The following DLGAP1 variants were observed in gnomAD, a reference collection of about 807,000 sequenced individuals.
DLGAP1 encodes the protein DLG associated protein 1.
In DLGAP1, 11 loss-of-function variants were observed where a neutral mutation model predicts 90.8. The ratio of observed to expected loss-of-function variants is 0.12; its 90% CI spans 0.08 to 0.20. The LOEUF (loss-of-function observed/expected upper bound fraction) is 0.20. DLGAP1 is among the 10% of genes least tolerant of loss of function. The pLI is 1.00. For synonymous variants in DLGAP1, 558 were observed against 540.7 expected, an observed-to-expected ratio of 1.03 and a Z score of -0.44; for missense variants, 1,050 against 1,333.8, an observed-to-expected ratio of 0.79 and a Z score of 3.31.
intron 2 of DLGAP1, among the ~76,000 whole-genome samples, chr18:4,113,250 T>C (rs2076004864): frequency 6.6e-6 from 1 of 152,218 alleles, no homozygotes; most frequent in Non-Finnish European, 1.5e-5. Flanking sequence ...TTCTCTTTTC[T>C]TTTCAGTCTC....
At chr18:4,260,059 TA>T (rs1342780320) in intron 1 of DLGAP1, among the ~76,000 whole-genome samples, 4 of 152,200 alleles carry the variant, frequency 2.6e-5, no homozygotes, top group African/African-American at 9.6e-5. Flanking sequence ...CAGGGTCATA[TA>T]AGTTGAAAAC....
intron 4 of DLGAP1, among the ~76,000 whole-genome samples, chr18:3,862,185 G>C (rs1397152341): frequency 6.6e-6 from 1 of 152,200 alleles, no homozygotes; most frequent in Non-Finnish European, 1.5e-5. Context: ...GTAGACAGGA[G>C]TCTTTTGGGT....
intron 1 of DLGAP1, among the ~76,000 whole-genome samples, chr18:4,358,202 T>C (rs2081562682): frequency 6.6e-6 from 1 of 152,134 alleles, no homozygotes; most frequent in African/African-American, 2.4e-5. Flanking sequence ...ATAATATACA[T>C]GCAAACAAAC....
chr18:3,882,932 T>C (rs527268521), intron 3 of DLGAP1, among the ~76,000 whole-genome samples: 1 of 152,340 alleles, frequency 6.6e-6, no homozygotes, highest in Admixed American at 6.5e-5. Context: ...GAGATAGATA[T>C]GTGGTTTAAT....
intron 7 of DLGAP1, chr18:3,655,718 G>A (rs569702152): frequency 3.4e-5 from 7 of 204,036 alleles, no homozygotes; most frequent in South Asian, 1.5e-4. Context: ...GATAAAGGAC[G>A]CTCTAGACCA....
chr18:3,591,479 A>T (rs906407659), intron 7 of DLGAP1, among the ~76,000 whole-genome samples: 4 of 151,970 alleles, frequency 2.6e-5, no homozygotes, highest in African/African-American at 9.7e-5. Context: ...CTTTGAGCTC[A>T]GGAGTCTGAG....
At chr18:3,741,217 C>T (rs2062991921) in intron 6 of DLGAP1, among the ~76,000 whole-genome samples, 1 of 125,664 alleles carries the variant, frequency 8.0e-6, no homozygotes, top group Admixed American at 7.8e-5. Flanking sequence ...ACCACCACCA[C>T]CACATCACCA....
At chr18:4,082,495 A>G (rs1219266912) in intron 2 of DLGAP1, among the ~76,000 whole-genome samples, 2 of 132,322 alleles carry the variant, frequency 1.5e-5, no homozygotes, top group Non-Finnish European at 1.6e-5. Flanking sequence ...TGGGTGACAG[A>G]GTGAGACTTT....
chr18:3,928,282 T>C (rs185958355), intron 3 of DLGAP1, among the ~76,000 whole-genome samples: 1 of 152,346 alleles, frequency 6.6e-6, no homozygotes, highest in Admixed American at 6.5e-5. Flanking sequence ...ACAAAACCCA[T>C]TGGCTCTTGA....
chr18:3,834,676 T>C, intron 4 of DLGAP1, among the ~76,000 whole-genome samples: 1 of 152,228 alleles, frequency 6.6e-6, no homozygotes, highest in African/African-American at 2.4e-5. Context: ...AATGTTAAAA[T>C]GGTAACAGTG....
intron 4 of DLGAP1, among the ~76,000 whole-genome samples, chr18:3,818,343 A>C (rs2067207186): frequency 8.5e-6 from 1 of 117,384 alleles, no homozygotes; most frequent in South Asian, 3.1e-4. Context: ...GGATGTAGGG[A>C]TGGTTTTTTT....
intron 1 of DLGAP1, among the ~76,000 whole-genome samples, chr18:4,251,465 C>G (rs2078777674): frequency 6.6e-6 from 1 of 152,098 alleles, no homozygotes; most frequent in South Asian, 2.1e-4. Context: ...CAGAGACAAC[C>G]CACGTACAAC....
At chr18:3,977,549 G>A (rs2073619215) in intron 3 of DLGAP1, 2 of 172,748 alleles carry the variant, frequency 1.2e-5, no homozygotes, top group African/African-American at 2.4e-5. Flanking sequence ...CTGTGAGGAG[G>A]GGAGAGTCTC....
At chr18:3,635,236 T>G (rs1310344935) in intron 7 of DLGAP1, among the ~76,000 whole-genome samples, 1 of 151,626 alleles carries the variant, frequency 6.6e-6, no homozygotes, top group Non-Finnish European at 1.5e-5. Context: ...GTTCACGCCA[T>G]TCTCCTGCCT....
In DLGAP1 at chr18:3,782,696, GTTCTT is replaced by G. The variant is rs528449555; in HGVS notation, c.1172+31358_1172+31362del. On this transcript the variant is annotated intron_variant, in intron 5 of 12. Coordinates refer to ENST00000315677, the MANE Select transcript of DLGAP1 (RefSeq NM_004746.4). ...GACCTTCAATGCACAATTCCTCTTT[GTTCTT>G]TTAAATAAGAACGTGACTTCCCATC... Among the ~76,000 whole-genome samples, 904 of 152,248 alleles carry G rather than the reference GTTCTT, an allele frequency of 5.9e-3. 3 individuals are homozygous for G. The highest frequency in any genetic ancestry group is 0.01 in the Non-Finnish European group (686 of 68,010).
rs377265852 is a variant in DLGAP1 at position 4,206,534 on chromosome 18, G to C, written c.-266-55247C>G. On this transcript the variant is annotated intron_variant, in intron 1 of 12. Coordinates refer to ENST00000315677, the MANE Select transcript of DLGAP1 (RefSeq NM_004746.4). ...TGGGAGGGAAAACTCCTCAGGCCAGGATAAAGAAACCGTGTCTTCCAGTCT... is the reference window on the plus strand; with the variant it reads ...TGGGAGGGAAAACTCCTCAGGCCAGCATAAAGAAACCGTGTCTTCCAGTCT... Among the ~76,000 whole-genome samples the C allele has an allele frequency of 2.0e-5, 3 of 152,120 alleles. No homozygotes were observed. In the East Asian group the frequency reaches 5.8e-4, roughly 29 times the overall value.
chr18:4,159,079 G>A (rs2076802851), intron 1 of DLGAP1, among the ~76,000 whole-genome samples: 1 of 152,156 alleles, frequency 6.6e-6, no homozygotes, highest in African/African-American at 2.4e-5. Context: ...TTGAAAGAAT[G>A]AGCAGTTGCC....
At chr18:3,809,872 C>T (rs1332146686) in intron 5 of DLGAP1, among the ~76,000 whole-genome samples, 2 of 152,138 alleles carry the variant, frequency 1.3e-5, no homozygotes, top group Non-Finnish European at 2.9e-5. Flanking sequence ...AGGCAGTAGT[C>T]TCAGTTCTAG....
chr18:3,905,263 A>G (rs949915550), intron 3 of DLGAP1, among the ~76,000 whole-genome samples: 1 of 143,492 alleles, frequency 7.0e-6, no homozygotes, highest in Non-Finnish European at 1.5e-5. Flanking sequence ...GCTACTCGGG[A>G]GGCTGAGGCA....
Sources: allele counts gnomAD v4.1 joint callset (sites outside exome capture counted in the v4.1 genomes callset), GRCh38; gene constraint gnomAD v4.1.1; transcripts MANE v1.5; gene names NCBI Gene and HGNC (gene_info 2026-07-23, HGNC 2026-07-21).